CLIC5: variants seen among roughly 807,000 people sequenced by gnomAD.
CLIC5 encodes the protein chloride intracellular channel protein 5.
CLIC5 carries 20 observed loss-of-function variants against 24.7 expected under a neutral mutation model. The ratio of observed to expected loss-of-function variants is 0.81; its 90% CI spans 0.57 to 1.18. The LOEUF (loss-of-function observed/expected upper bound fraction) is 1.18, where lower values mean the gene tolerates loss of function less well. Ranked by LOEUF, CLIC5 falls within the 50% of genes most tolerant of loss-of-function variation. The pLI is 0.00. For synonymous variants in CLIC5, 159 were observed against 135.6 expected (o/e 1.17, Z -1.20); for missense variants, 341 against 326.1 (o/e 1.05, Z -0.35).
At chr6:45,970,307 A>AG (rs1453579365) in intron 1 of CLIC5, among the ~76,000 whole-genome samples, 1 of 57,822 alleles carries the variant, frequency 1.7e-5, no homozygotes, top group Non-Finnish European at 3.1e-5. Context: ...TCACAATTAC[A>AG]GAAAAAACCA....
intron 6 of CLIC5, among the ~76,000 whole-genome samples, chr6:45,882,119 C>A (rs1252850571): frequency 6.6e-6 from 1 of 152,216 alleles, no homozygotes; most frequent in Middle Eastern, 3.2e-3. Flanking sequence ...ACACTTGCGA[C>A]TTTTCTTTGA....
At chr6:46,105,462 C>T in the CLIC5 span, among the ~76,000 whole-genome samples, 1 of 152,108 alleles carries the variant, frequency 6.6e-6, no homozygotes, top group Non-Finnish European at 1.5e-5. Flanking sequence ...ACTGAAACCT[C>T]TTTTAAATAT....
chr6:45,944,797 A>G (rs1048979236), intron 3 of CLIC5, among the ~76,000 whole-genome samples: 7 of 152,172 alleles, frequency 4.6e-5, no homozygotes, highest in Admixed American at 4.6e-4. Flanking sequence ...CTGGAGAAAA[A>G]GAAAGACGGT....
At chr6:46,081,864 C>T (rs1050598548), upstream of CLIC5, among the ~76,000 whole-genome samples, 42 of 152,162 alleles carry the variant, frequency 2.8e-4, no homozygotes, top group African/African-American at 1.0e-3. Context: ...AAATCTCTTC[C>T]TTAACTCAGT....
downstream of CLIC5, among the ~76,000 whole-genome samples, chr6:45,894,914 C>G (rs1762380847): frequency 6.6e-6 from 1 of 152,050 alleles, no homozygotes; most frequent in Non-Finnish European, 1.5e-5. Flanking sequence ...TTGTTTTTGT[C>G]TGGTCCTAGT....
intron 5 of CLIC5, among the ~76,000 whole-genome samples, chr6:45,905,371 C>A (rs1338917866): frequency 6.6e-6 from 1 of 152,056 alleles, no homozygotes; most frequent in African/African-American, 2.4e-5. Context: ...ACAGACTAAC[C>A]AACATCTGTT....
At chr6:45,924,750 T>C (rs9367229) in intron 4 of CLIC5, among the ~76,000 whole-genome samples, 40,996 of 151,638 alleles carry the variant, frequency 0.27, 5,867 homozygotes, top group East Asian at 0.47. Flanking sequence ...TTGTTACTAG[T>C]AGAAGACAGA....
chr6:46,022,314 C>A (rs1436197734), intron 1 of CLIC5, among the ~76,000 whole-genome samples: 1 of 152,168 alleles, frequency 6.6e-6, no homozygotes, highest in Non-Finnish European at 1.5e-5. Flanking sequence ...CTTTTATGTA[C>A]CTAGCAGTAC....
chr6:46,053,320 T>G (rs1245845955), intron 1 of CLIC5, among the ~76,000 whole-genome samples: 1 of 151,952 alleles, frequency 6.6e-6, no homozygotes, highest in Admixed American at 6.6e-5. Context: ...ACAATGCCAG[T>G]GATATAAAGA....
chr6:46,114,936 C>A, the CLIC5 span, among the ~76,000 whole-genome samples: 1 of 152,006 alleles, frequency 6.6e-6, no homozygotes. Flanking sequence ...GTGACCAGGG[C>A]AAAAATCCAG....
intron 4 of CLIC5, among the ~76,000 whole-genome samples, chr6:45,934,930 T>C (rs1456409440): frequency 6.6e-6 from 1 of 152,230 alleles, no homozygotes; most frequent in Non-Finnish European, 1.5e-5. Context: ...ATCCATTTGT[T>C]AATTACCTGC....
chr6:45,895,358 T>A (rs959321959), downstream of CLIC5, among the ~76,000 whole-genome samples: 1 of 152,164 alleles, frequency 6.6e-6, no homozygotes, highest in Non-Finnish European at 1.5e-5. Context: ...ATCAAAACCA[T>A]GTGATAAAAT....
intron 6 of CLIC5, among the ~76,000 whole-genome samples, chr6:45,887,526 C>G (rs1762315425): frequency 6.6e-6 from 1 of 152,180 alleles, no homozygotes; most frequent in African/African-American, 2.4e-5. Context: ...TGCAAAAACC[C>G]TGTTTCCATA....
intron 1 of CLIC5, among the ~76,000 whole-genome samples, chr6:46,038,476 A>C (rs1354390601): frequency 6.6e-6 from 1 of 152,196 alleles, no homozygotes; most frequent in African/African-American, 2.4e-5. Flanking sequence ...TTTCCAGCTT[A>C]CACCATTCTT....
chr6:45,986,219 G>A (rs1245373550), intron 1 of CLIC5, among the ~76,000 whole-genome samples: 2 of 152,156 alleles, frequency 1.3e-5, no homozygotes, highest in African/African-American at 4.8e-5. Flanking sequence ...CCCTGATCAT[G>A]CCCTGAGATC....
intron 4 of CLIC5, chr6:45,920,773 C>A: frequency 2.6e-6 from 1 of 388,474 alleles, no homozygotes; most frequent in Non-Finnish European, 3.5e-6. Flanking sequence ...GGAGCCCCAG[C>A]AGGGCCCAGG....
chr6:45,999,732 G>GTTTTTTT (rs1201850451), intron 1 of CLIC5, among the ~76,000 whole-genome samples: 7 of 50,850 alleles, frequency 1.4e-4, no homozygotes, highest in Admixed American at 2.5e-4. Flanking sequence ...CTTCCTTGTG[G>GTTTTTTT]TTTTTTTTTT....
At chr6:45,993,960 A>G (rs1302185005) in intron 1 of CLIC5, among the ~76,000 whole-genome samples, 3 of 152,226 alleles carry the variant, frequency 2.0e-5, no homozygotes, top group Admixed American at 2.0e-4. Context: ...TTATTTTAAG[A>G]AAGTTCTTTG....
the CLIC5 span, among the ~76,000 whole-genome samples, chr6:46,124,860 A>G: frequency 6.6e-6 from 1 of 152,242 alleles, no homozygotes; most frequent in Non-Finnish European, 1.5e-5. Flanking sequence ...AGAAGTGCAA[A>G]TCAAAACCAC....
Sources: gnomAD v4.1 joint callset for allele counts (sites outside exome capture counted in the v4.1 genomes callset) on GRCh38, gnomAD v4.1.1 for gene constraint, MANE v1.5 for transcripts, NCBI Gene and HGNC (gene_info 2026-07-23, HGNC 2026-07-21) for gene names.